Variants in SASH1 observed in about 807,000 individuals in gnomAD.
The protein encoded by SASH1 is SAM and SH3 domain containing 1.
A neutral mutation model predicts 125.2 loss-of-function variants in SASH1; 44 were observed. The ratio of observed to expected loss-of-function variants is 0.35; its 90% CI spans 0.28 to 0.45. The LOEUF is 0.45. Ranked by LOEUF, SASH1 falls within the 20% of genes least tolerant of loss-of-function variation. The pLI is 1.00. For missense variants in SASH1, 1,426 were observed against 1,614.5 expected, an observed-to-expected ratio of 0.88 and a Z score of 2.00; for synonymous variants, 639 against 649.1, an observed-to-expected ratio of 0.98 and a Z score of 0.24.
the SASH1 span, among the ~76,000 whole-genome samples, chr6:148,256,332 T>G: frequency 5.3e-5 from 8 of 152,206 alleles, no homozygotes; most frequent in Non-Finnish European, 1.0e-4. Context: ...ATTTTACAAC[T>G]ATCTAAGACA....
At chr6:148,399,962 C>G (rs974791597) in intron 2 of SASH1, among the ~76,000 whole-genome samples, 1 of 152,172 alleles carries the variant, frequency 6.6e-6, no homozygotes. Flanking sequence ...CAATTATATA[C>G]ATTTTTAACA....
the SASH1 span, among the ~76,000 whole-genome samples, chr6:148,202,290 G>A: frequency 1.3e-5 from 2 of 152,180 alleles, no homozygotes; most frequent in Non-Finnish European, 2.9e-5. Context: ...TGCCTGCAAG[G>A]ACAGAACTTC....
intron 2 of SASH1, among the ~76,000 whole-genome samples, chr6:148,390,766 C>T (rs564146281): frequency 8.7e-5 from 13 of 148,700 alleles, no homozygotes; most frequent in South Asian, 2.1e-4. Flanking sequence ...CCAGCCTGGG[C>T]GACAGAGCAA....
At chr6:148,323,526 C>T (rs546680982) in intron 1 of SASH1, among the ~76,000 whole-genome samples, 25 of 152,284 alleles carry the variant, frequency 1.6e-4, no homozygotes, top group African/African-American at 5.8e-4. Context: ...GCCAGGCTGA[C>T]GCTGGTCACT....
At chr6:148,284,176 C>T (rs1433433079) in intron 1 of SASH1, among the ~76,000 whole-genome samples, 3 of 152,134 alleles carry the variant, frequency 2.0e-5, no homozygotes, top group Non-Finnish European at 2.9e-5. Flanking sequence ...TGTTGGCGCA[C>T]GCCTGTAATC....
chr6:148,431,134 T>C (rs1056129628), intron 2 of SASH1, among the ~76,000 whole-genome samples: 2 of 152,088 alleles, frequency 1.3e-5, no homozygotes, highest in African/African-American at 4.8e-5. Context: ...GCCAGAAACC[T>C]TGGGAAGAGA....
chr6:148,448,268 G>A (rs1355953248), intron 4 of SASH1, among the ~76,000 whole-genome samples: 1 of 152,164 alleles, frequency 6.6e-6, no homozygotes, highest in South Asian at 2.1e-4. Context: ...TTGAGTGAGT[G>A]AGCATGCACA....
At chr6:148,307,034 TTCTTTCTTTCTTTCTTTC>T (rs1178378057) in intron 1 of SASH1, among the ~76,000 whole-genome samples, 11 of 72,386 alleles carry the variant, frequency 1.5e-4, no homozygotes, top group African/African-American at 6.6e-4. Context: ...TTTTCTTTCT[TTCTTTCTTTCTTTCTTTC>T]TTTCTTTCTT....
chr6:148,242,449 TG>T, the SASH1 span, among the ~76,000 whole-genome samples: 29,826 of 152,132 alleles, frequency 0.2, 3,036 homozygotes, highest in East Asian at 0.36. Context: ...CATGCCCAAG[TG>T]ATTTGAGAAT....
chr6:148,370,494 T>A (rs374222637), intron 1 of SASH1, among the ~76,000 whole-genome samples: 4 of 152,204 alleles, frequency 2.6e-5, no homozygotes, highest in Non-Finnish European at 4.4e-5. Flanking sequence ...TATTAAATTC[T>A]CTCTTTGCTT....
intron 1 of SASH1, among the ~76,000 whole-genome samples, chr6:148,336,379 T>C (rs1314268380): frequency 6.6e-6 from 1 of 151,906 alleles, no homozygotes; most frequent in Non-Finnish European, 1.5e-5. Context: ...GGTTTTACCA[T>C]GTTGGCCAGG....
intron 9 of SASH1, 86 bp downstream of exon 9, chr6:148,514,542 A>AG: frequency 7.5e-7 from 1 of 1,332,324 alleles, no homozygotes; most frequent in African/African-American, 1.7e-5. Flanking sequence ...GTTTCTCAGC[A>AG]GAAAAGGGAT....
At position 148,532,969 on chromosome 6, in the gene SASH1, A is replaced by G; in HGVS notation, c.1734+3A>G. On this transcript the variant is annotated splice_donor_region_variant and intron_variant, in intron 14 of 19. Transcript: ENST00000367467. The surrounding 1 kb of genome is among the most constrained non-coding windows in gnomAD (Gnocchi z 4.7). ...ACACAGACTCACTCAAGCTCAAGGT[A>G]TCTCTCTCCCTGGCCTCAGAGCAGC... 2 of 1,613,438 alleles carry G rather than the reference A, an allele frequency of 1.2e-6. No individual in the cohort carries two copies. Among genetic ancestry groups the G allele is most frequent in the Non-Finnish European group, 1.7e-6 (2 of 1,179,540 alleles).
chr6:148,486,661 AC>A (rs1778858345), intron 7 of SASH1, among the ~76,000 whole-genome samples: 1 of 148,274 alleles, frequency 6.7e-6, no homozygotes, highest in African/African-American at 2.5e-5. Flanking sequence ...CACACCTGTA[AC>A]CCCAGCATTT....
chr6:148,308,966 C>T (rs1400012485), intron 1 of SASH1, among the ~76,000 whole-genome samples: 1 of 151,070 alleles, frequency 6.6e-6, no homozygotes, highest in Non-Finnish European at 1.5e-5. Context: ...CGCCTGTAGT[C>T]CCAGCTACTC....
rs747152269 is a variant in SASH1, at chr6:148,474,088, G to T, written c.515-22G>T. Reference sequence around the variant, plus strand: ...CGCCATTCTTGTTTTCACTCCTGTTGTTCTTTGTCCTCAATCTCCAGGAGA... The same window carrying T: ...CGCCATTCTTGTTTTCACTCCTGTTTTTCTTTGTCCTCAATCTCCAGGAGA... On this transcript the variant is annotated intron_variant, in intron 6 of 19. Transcript: ENST00000367467. 6 of 1,515,220 alleles carry T rather than the reference G, an allele frequency of 4.0e-6. No individual in the cohort carries two copies. In the East Asian group the frequency reaches 1.1e-4, roughly 29 times the overall value. The allele number at this position is 1,515,220 out of a possible 1,614,324, so 93.9% of individuals were successfully genotyped here.
At chr6:148,348,331 C>A (rs1781585677) in intron 1 of SASH1, among the ~76,000 whole-genome samples, 1 of 152,182 alleles carries the variant, frequency 6.6e-6, no homozygotes, top group African/African-American at 2.4e-5. Flanking sequence ...CGAATCTTTT[C>A]CTGCTAAAGG....
chr6:148,468,661 A>G (rs1777960790), intron 5 of SASH1, 76 bp downstream of exon 5: 1 of 913,670 alleles, frequency 1.1e-6, no homozygotes, highest in South Asian at 1.6e-5. Flanking sequence ...GTGAAAATAC[A>G]AAACCCACAA....
chr6:148,536,582 C>A (rs779145936), intron 16 of SASH1, among the ~76,000 whole-genome samples: 2 of 152,152 alleles, frequency 1.3e-5, no homozygotes. Flanking sequence ...TCAGGTGATC[C>A]GCCCACCTCG....
Sources: gnomAD v4.1 joint callset for allele counts (sites outside exome capture counted in the v4.1 genomes callset) on GRCh38, gnomAD v4.1.1 for gene constraint, Gnocchi (gnomAD v3.1) non-coding constraint, MANE v1.5 for transcripts, NCBI Gene and HGNC (gene_info 2026-07-23, HGNC 2026-07-21) for gene names.